Variants in ATP6V1E2 observed in about 807,000 individuals in gnomAD.
The protein encoded by ATP6V1E2 is ATPase H+ transporting V1 subunit E2.
For synonymous variants in ATP6V1E2, 121 were observed against 104.2 expected (o/e 1.16, Z -0.98); for missense variants, 308 against 273.3 (o/e 1.13, Z -0.90).
intron 4 of ATP6V1E2, among the ~76,000 whole-genome samples, chr2:46,531,721 C>T (rs1572715129): frequency 6.6e-6 from 1 of 152,172 alleles, no homozygotes; most frequent in Non-Finnish European, 1.5e-5. Context: ...TATAGCCATC[C>T]TAGTGGGTGT....
At chr2:46,523,553 C>T (rs971199505) in intron 4 of ATP6V1E2, among the ~76,000 whole-genome samples, 1 of 152,040 alleles carries the variant, frequency 6.6e-6, no homozygotes, top group African/African-American at 2.4e-5. Flanking sequence ...TGTAGATGTG[C>T]GATGTTATTT....
chr2:46,517,967 A>C (rs1265685097), intron 4 of ATP6V1E2, among the ~76,000 whole-genome samples: 2 of 152,250 alleles, frequency 1.3e-5, no homozygotes, highest in African/African-American at 2.4e-5. Context: ...CAACAAGTTA[A>C]AAATGGAATT....
chr2:46,526,202 G>A (rs923438891), intron 4 of ATP6V1E2, among the ~76,000 whole-genome samples: 65 of 150,542 alleles, frequency 4.3e-4, no homozygotes, highest in African/African-American at 1.3e-3. Flanking sequence ...TACAACCCCC[G>A]CCTCCTGGGT....
At chr2:46,514,389 T>C (rs1308941567) in intron 4 of ATP6V1E2, among the ~76,000 whole-genome samples, 2 of 152,176 alleles carry the variant, frequency 1.3e-5, no homozygotes, top group Admixed American at 6.5e-5. Flanking sequence ...TGGGAAGCCA[T>C]ATCTTTAAAA....
intron 2 of ATP6V1E2, among the ~76,000 whole-genome samples, chr2:46,538,521 C>T (rs886861684): frequency 1.3e-5 from 2 of 151,374 alleles, no homozygotes; most frequent in African/African-American, 4.9e-5. Context: ...GATTTATTAA[C>T]TCAAATGACA....
intron 4 of ATP6V1E2, among the ~76,000 whole-genome samples, chr2:46,522,860 A>G (rs951458190): frequency 2.6e-5 from 4 of 152,200 alleles, no homozygotes; most frequent in Non-Finnish European, 5.9e-5. Context: ...TCCCACCAAC[A>G]GTGTAAAAGT....
rs59810518 is a variant in ATP6V1E2 at position 46,540,613 on chromosome 2, C to CTTTTTT, written c.-310+771_-310+776dup. On this transcript the variant is annotated intron_variant, in intron 2 of 4. Coordinates refer to ENST00000522587, the MANE Select transcript of ATP6V1E2 (RefSeq NM_001318063.2). ...TGAAATTTGAGAGCTTTTTCTGTAA[C>CTTTTTT]TTTTTTTTTTTTTTTTTTTTTTTTT... Among the ~76,000 whole-genome samples, 603 of 115,504 alleles carry CTTTTTT rather than the reference C, an allele frequency of 5.2e-3. 36 individuals carry two copies. Among genetic ancestry groups the CTTTTTT allele is most frequent in the African/African-American group, 0.02 (578 of 29,464 alleles). 75.8% of individuals were successfully genotyped at this position (115,504 alleles called of 152,430 possible). A position where few individuals can be genotyped will look rare whatever the true frequency, so the allele number is the denominator to read the frequency against.
At chr2:46,520,180 C>T (rs1433035571) in intron 4 of ATP6V1E2, among the ~76,000 whole-genome samples, 4 of 152,314 alleles carry the variant, frequency 2.6e-5, no homozygotes, top group Non-Finnish European at 1.5e-5. Context: ...GACATGAAGG[C>T]AGCTGCAGGG....
intron 4 of ATP6V1E2, among the ~76,000 whole-genome samples, chr2:46,521,758 T>C (rs1476114245): frequency 6.6e-6 from 1 of 152,144 alleles, no homozygotes; most frequent in East Asian, 1.9e-4. Flanking sequence ...TGGTGCGATC[T>C]TGGCTCACTG....
At position 46,535,507 on chromosome 2, in the gene ATP6V1E2, T is replaced by A. The variant is rs138055613; in HGVS notation, c.-102+306A>T. The A allele has an allele frequency of 3.9e-5, 6 of 152,182 alleles. No individual in the cohort carries two copies. Among genetic ancestry groups the A allele is most frequent in the Non-Finnish European group, 8.8e-5 (6 of 68,026 alleles). The allele number at this position is 152,182 out of a possible 1,614,324, so 9.4% of individuals were successfully genotyped here. A position where few individuals can be genotyped will look rare whatever the true frequency, so the allele number is the denominator to read the frequency against. ...TCCGACACATGACTCAGGAACTAAT[T>A]TGATGAGAAAACCACTTTCAATACC... On this transcript the variant is annotated intron_variant, in intron 4 of 4. Transcript: ENST00000522587. The surrounding 1 kb of genome is among the most constrained non-coding windows in gnomAD (Gnocchi z 4.4).
At chr2:46,522,238 C>T (rs575980695) in intron 4 of ATP6V1E2, among the ~76,000 whole-genome samples, 26 of 149,474 alleles carry the variant, frequency 1.7e-4, no homozygotes, top group Admixed American at 9.3e-4. Context: ...GAACCAAGAC[C>T]GTGCCATTGC....
intron 2 of ATP6V1E2, among the ~76,000 whole-genome samples, chr2:46,538,561 C>T (rs759346162): frequency 6.6e-6 from 1 of 151,598 alleles, no homozygotes; most frequent in Non-Finnish European, 1.5e-5. Flanking sequence ...AACAGGATCT[C>T]GGGGGTGATG....
Position 46,530,043 on chromosome 2 carries a change from G to T in ATP6V1E2, c.-102+5770C>A, listed in dbSNP as rs1307139125. 6.6e-6 allele frequency among the ~76,000 whole-genome samples: 1 copy of T among 152,118 alleles called. No homozygotes were observed. Among genetic ancestry groups the T allele is most frequent in the Non-Finnish European group, 1.5e-5 (1 of 68,024 alleles). ...GTCCTGTTACATTGTTGCAAAGGGG[G>T]TTGAAGGATATCCCTGACTGTAAGG... On this transcript the variant is annotated intron_variant, in intron 4 of 4. Transcript: ENST00000522587. This position sits in a 1 kb window ranked among gnomAD's most constrained non-coding sequence, Gnocchi z 5.2.
chr2:46,539,847 T>G (rs551995255), intron 2 of ATP6V1E2, among the ~76,000 whole-genome samples: 1 of 152,332 alleles, frequency 6.6e-6, no homozygotes, highest in East Asian at 1.9e-4. Flanking sequence ...TCAACACACC[T>G]GGACCTATGT....
chr2:46,512,595 G>A lies in ATP6V1E2; in HGVS notation c.117C>T (p.Asn39=), dbSNP rs1687520024. Residue 39 remains asparagine (N), a synonymous_variant, in exon 5 of 5, where the codon AAC becomes AAT. Coordinates refer to ENST00000522587, the MANE Select transcript of ATP6V1E2 (RefSeq NM_001318063.2). ...EIDAKAEEEF[N]IEKGRLVQTQ... is the part of the protein sequence containing the mutation. ...TTTGCACGAGGCGTCCTTTCTCAAT[G>A]TTAAACTCTTCCTCAGCCTTGGCAT... is the stretch of plus-strand genomic sequence containing the variant. 6.2e-7 allele frequency: 1 copy of A among 1,614,170 alleles called. No individual in the cohort carries two copies. Among genetic ancestry groups the A allele is most frequent in the East Asian group, 2.2e-5 (1 of 44,890 alleles).
At chr2:46,525,604 G>C (rs571667840) in intron 4 of ATP6V1E2, among the ~76,000 whole-genome samples, 1 of 152,144 alleles carries the variant, frequency 6.6e-6, no homozygotes, top group Non-Finnish European at 1.5e-5. Context: ...AAAATCAGAA[G>C]GGCCTGAAAA....
At chr2:46,531,400 C>T (rs1667174506) in intron 4 of ATP6V1E2, among the ~76,000 whole-genome samples, 1 of 152,158 alleles carries the variant, frequency 6.6e-6, no homozygotes, top group African/African-American at 2.4e-5. Flanking sequence ...CCACTGTATC[C>T]ATATACCACA....
rs1454114183 is a variant in ATP6V1E2 at position 46,542,546 on chromosome 2, G to A, written c.-703C>T. Reference sequence around the variant, plus strand: ...GCAGGGAGTGGGGCTCGGGTGCGCCGGCAGGGCCGCGCGGCGGCAGCAGGC... The same window carrying A: ...GCAGGGAGTGGGGCTCGGGTGCGCCAGCAGGGCCGCGCGGCGGCAGCAGGC... On this transcript the variant is annotated 5_prime_UTR_variant, in exon 1 of 5. Transcript: ENST00000522587. 1 of 148,494 alleles carries A rather than the reference G, an allele frequency of 6.7e-6. No individual in the cohort carries two copies. Among genetic ancestry groups the A allele is most frequent in the Admixed American group, 6.7e-5 (1 of 14,926 alleles). 9.2% of individuals were successfully genotyped at this position (148,494 alleles called of 1,614,324 possible). A position where few individuals can be genotyped will look rare whatever the true frequency, so the allele number is the denominator to read the frequency against.
chr2:46,521,937 G>T (rs1156472325), intron 4 of ATP6V1E2, among the ~76,000 whole-genome samples: 1 of 109,602 alleles, frequency 9.1e-6, no homozygotes, highest in African/African-American at 3.3e-5. Flanking sequence ...TGATCCACCC[G>T]CCTCAGCCTC....
Sources: gnomAD v4.1 joint callset for allele counts (sites outside exome capture counted in the v4.1 genomes callset) on GRCh38, gnomAD v4.1.1 for gene constraint, Gnocchi (gnomAD v3.1) non-coding constraint, MANE v1.5 for transcripts, NCBI Gene and HGNC (gene_info 2026-07-23, HGNC 2026-07-21) for gene names.